The following FREM1 variants were observed in gnomAD, a reference collection of about 807,000 sequenced individuals.
FREM1 encodes FRAS1 related extracellular matrix 1, also known as FRAS1-related extracellular matrix protein 1.
A neutral mutation model predicts 210.1 loss-of-function variants in FREM1; 220 were observed. That is an observed-to-expected ratio of 1.05 (90% CI 0.94 to 1.17). FREM1 has a LOEUF of 1.17. Ranked by LOEUF, FREM1 falls within the 50% of genes most tolerant of loss-of-function variation. The probability of loss-of-function intolerance (pLI) is 0.00; values close to 1 mark genes in which losing one functional copy is unlikely to be tolerated. For missense variants in FREM1, 3,454 were observed against 2,675.5 expected (o/e 1.29, Z -6.42); for synonymous variants, 1,189 against 980.2 (o/e 1.21, Z -3.98).
chr9:14,824,187 C>CA (rs1821897297), intron 11 of FREM1, 72 bp from the exon 12 acceptor site: 2 of 914,828 alleles, frequency 2.2e-6, no homozygotes, highest in East Asian at 5.3e-5. Flanking sequence ...AGCCCACAAT[C>CA]AAAAACTGAA....
intron 27 of FREM1, among the ~76,000 whole-genome samples, chr9:14,766,465 G>A (rs1484944871): frequency 2.0e-5 from 3 of 152,088 alleles, no homozygotes; most frequent in African/African-American, 7.2e-5. Flanking sequence ...CAATCCACAC[G>A]CACATCTCGA....
chr9:14,898,273 C>A (rs1048533361), intron 1 of FREM1, among the ~76,000 whole-genome samples: 5 of 152,228 alleles, frequency 3.3e-5, no homozygotes, highest in African/African-American at 1.2e-4. Context: ...ACATGTGATA[C>A]TATCTGTCAA....
intron 16 of FREM1, 54 bp downstream of exon 16, chr9:14,812,758 T>G: frequency 6.5e-7 from 1 of 1,536,486 alleles, no homozygotes. Flanking sequence ...CACTGAGGAG[T>G]GGAGACTCTC....
chr9:14,851,398 A>G lies in FREM1; in HGVS notation c.1038T>C (p.Thr346=), dbSNP rs773920119. Residue 346 remains threonine, a synonymous_variant, in exon 6 of 37, where the codon ACT becomes ACC. Coordinates refer to ENST00000380880, the MANE Select transcript of FREM1 (RefSeq NM_001379081.2). ...ITKAPLQGYV[T]HLLDHTRPIS... ...TTGGTCTGGTGTGATCCAACAGGTG[A>G]GTCACATAGCCCTGGAGCGGGGCTT... The G allele has an allele frequency of 2.9e-5, 46 of 1,613,652 alleles. No individual in the cohort carries two copies. The highest frequency in any genetic ancestry group is 3.7e-5 in the Non-Finnish European group (44 of 1,179,732).
In FREM1 at chr9:14,743,957, G is replaced by C. The variant is rs574471381; in HGVS notation, c.6254+2396C>G. 1.1e-4 allele frequency among the ~76,000 whole-genome samples: 17 copies of C among 152,186 alleles called. No homozygotes were observed. In the South Asian group the frequency reaches 1.2e-3, roughly 11 times the overall value. On this transcript the variant is annotated intron_variant, in intron 35 of 36. Transcript: ENST00000380880. Reference sequence around the variant, plus strand: ...AAACTAAATGACATCTAGTTAAGATGTCATTTTAACAGCTTAACCATCTTA... The same window carrying C: ...AAACTAAATGACATCTAGTTAAGATCTCATTTTAACAGCTTAACCATCTTA...
intron 27 of FREM1, among the ~76,000 whole-genome samples, chr9:14,768,869 G>A (rs1003256931): frequency 6.6e-6 from 1 of 152,142 alleles, no homozygotes; most frequent in African/African-American, 2.4e-5. Context: ...TGCTTAGTAT[G>A]ACTAGGATAT....
chr9:14,909,683 A>C (rs1006272183), intron 1 of FREM1, among the ~76,000 whole-genome samples: 1 of 152,250 alleles, frequency 6.6e-6, no homozygotes, highest in Non-Finnish European at 1.5e-5. Context: ...GAAGAGTTAG[A>C]AATTTGTGTC....
At chr9:14,767,369 C>T (rs78270161) in intron 27 of FREM1, among the ~76,000 whole-genome samples, 1,904 of 152,230 alleles carry the variant, frequency 0.013, 22 homozygotes, top group Middle Eastern at 0.02. Flanking sequence ...TCCCTTCAGG[C>T]CAGATTAGCA....
At chr9:14,809,024 T>A (rs2133467442) in intron 16 of FREM1, among the ~76,000 whole-genome samples, 1 of 152,292 alleles carries the variant, frequency 6.6e-6, no homozygotes, top group South Asian at 2.1e-4. Context: ...GAATTGTAAC[T>A]CCCACAATTC....
intron 27 of FREM1, among the ~76,000 whole-genome samples, chr9:14,761,001 T>C (rs1030854507): frequency 1.3e-5 from 2 of 152,222 alleles, no homozygotes; most frequent in Non-Finnish European, 2.9e-5. Context: ...TTGCCTTACT[T>C]GTACTTCCCA....
intron 29 of FREM1, among the ~76,000 whole-genome samples, chr9:14,750,959 T>C (rs993803863): frequency 7.9e-5 from 12 of 152,172 alleles, no homozygotes; most frequent in East Asian, 5.8e-4. Flanking sequence ...CTTAATATTA[T>C]ACAAAACAGT....
chr9:14,802,686 T>C, intron 19 of FREM1, among the ~76,000 whole-genome samples: 1 of 152,232 alleles, frequency 6.6e-6, no homozygotes, highest in Admixed American at 6.5e-5. Context: ...GTATTTCTGT[T>C]GCCCATTTTG....
chr9:14,886,895 CAAAAAAAAAAAAA>C (rs59827471), intron 1 of FREM1, among the ~76,000 whole-genome samples: 3 of 95,492 alleles, frequency 3.1e-5, no homozygotes, highest in Admixed American at 1.2e-4. Flanking sequence ...GACCTTGTTT[CAAAAAAAAAAAAA>C]AAAAAAAAAA....
At chr9:14,788,825 G>C (rs891304678) in intron 23 of FREM1, 94 bp downstream of exon 23, 1 of 953,372 alleles carries the variant, frequency 1.0e-6, no homozygotes, top group Non-Finnish European at 1.5e-6. Flanking sequence ...AAAAAGGAAA[G>C]AAGGGAGGGA....
chr9:14,794,250 C>T (rs1041554283), intron 21 of FREM1, among the ~76,000 whole-genome samples: 41 of 152,218 alleles, frequency 2.7e-4, no homozygotes, highest in Non-Finnish European at 1.0e-4. Flanking sequence ...GAGAAAAAGG[C>T]AACAAAGGGT....
chr9:14,907,283 G>C (rs1453469690), intron 1 of FREM1, among the ~76,000 whole-genome samples: 1 of 152,136 alleles, frequency 6.6e-6, no homozygotes, highest in African/African-American at 2.4e-5. Context: ...TTGAAATGGT[G>C]CCCCAGTCAC....
chr9:14,781,656 G>A (rs891563446), intron 24 of FREM1, among the ~76,000 whole-genome samples: 1 of 152,106 alleles, frequency 6.6e-6, no homozygotes, highest in Non-Finnish European at 1.5e-5. Flanking sequence ...AGTACATTGG[G>A]CTGAAGGCCC....
intron 21 of FREM1, among the ~76,000 whole-genome samples, chr9:14,793,687 C>T (rs537257522): frequency 6.6e-6 from 1 of 152,304 alleles, no homozygotes; most frequent in African/African-American, 2.4e-5. Flanking sequence ...CTCTGTCCAA[C>T]TTTACAGCTT....
chr9:14,830,755 C>G (rs1337009933), intron 10 of FREM1, among the ~76,000 whole-genome samples: 1 of 152,116 alleles, frequency 6.6e-6, no homozygotes, highest in Non-Finnish European at 1.5e-5. Context: ...GTCGTTTTAT[C>G]TAAACCGGCA....
Sources: allele counts gnomAD v4.1 joint callset (sites outside exome capture counted in the v4.1 genomes callset), GRCh38; gene constraint gnomAD v4.1.1; transcripts MANE v1.5; gene names NCBI Gene and HGNC (gene_info 2026-07-23, HGNC 2026-07-21).